ZNF438: variants seen among roughly 807,000 people sequenced by gnomAD.
ZNF438 encodes zinc finger protein 438.
Under a neutral mutation model 38.0 loss-of-function variants are expected in ZNF438, and 25 were observed. The ratio of observed to expected loss-of-function variants is 0.66; its 90% CI spans 0.48 to 0.92. The LOEUF is 0.92. Among genes scored for constraint, ZNF438 ranks in the 40% least tolerant of loss-of-function variants. The probability of loss-of-function intolerance (pLI) is 0.00; values close to 1 mark genes in which losing one functional copy is unlikely to be tolerated. For missense variants in ZNF438, 1,007 were observed against 999.6 expected, an observed-to-expected ratio of 1.01 and a Z score of -0.10; for synonymous variants, 372 against 364.1, an observed-to-expected ratio of 1.02 and a Z score of -0.25.
chr10:30,939,958 A>G (rs571075419), intron 2 of ZNF438, among the ~76,000 whole-genome samples: 16 of 152,314 alleles, frequency 1.1e-4, no homozygotes, highest in African/African-American at 1.4e-4. Context: ...TGCATTCCAA[A>G]CAACAGAACT....
chr10:30,902,910 G>A (rs2042187007), intron 3 of ZNF438, among the ~76,000 whole-genome samples: 1 of 152,238 alleles, frequency 6.6e-6, no homozygotes, highest in South Asian at 2.1e-4. Flanking sequence ...TGGCAGAGCG[G>A]GGAGACTCAG....
chr10:30,947,820 C>T (rs984044164), intron 1 of ZNF438, among the ~76,000 whole-genome samples: 2 of 152,186 alleles, frequency 1.3e-5, no homozygotes, highest in Admixed American at 6.5e-5. Flanking sequence ...TTCTTTGACT[C>T]GGAAAGGGAA....
At chr10:30,939,663 T>G (rs150102533) in intron 2 of ZNF438, among the ~76,000 whole-genome samples, 4 of 152,342 alleles carry the variant, frequency 2.6e-5, no homozygotes, top group Non-Finnish European at 4.4e-5. Flanking sequence ...CTCCTGTAAC[T>G]ACTGAAAACC....
chr10:30,847,830 G>T (rs1011612804), intron 5 of ZNF438, among the ~76,000 whole-genome samples: 2 of 152,220 alleles, frequency 1.3e-5, no homozygotes, highest in Non-Finnish European at 2.9e-5. Flanking sequence ...CCTATGCGCA[G>T]TGGCCAGACC....
intron 1 of ZNF438, among the ~76,000 whole-genome samples, chr10:31,006,777 G>GT (rs1461400671): frequency 8.3e-5 from 9 of 108,202 alleles, no homozygotes; most frequent in South Asian, 4.0e-4. Flanking sequence ...TTGGCGGGGG[G>GT]CGGGGGGGGG....
intron 1 of ZNF438, among the ~76,000 whole-genome samples, chr10:30,982,177 C>A (rs1009729407): frequency 6.6e-6 from 1 of 151,344 alleles, no homozygotes; most frequent in African/African-American, 2.4e-5. Context: ...TCTCGGCTCA[C>A]TGCGAACTCC....
chr10:30,944,564 A>G (rs2047163978), intron 1 of ZNF438, among the ~76,000 whole-genome samples: 1 of 152,196 alleles, frequency 6.6e-6, no homozygotes, highest in African/African-American at 2.4e-5. Flanking sequence ...AGACACATTC[A>G]AGGACTTAAT....
chr10:30,994,401 A>C (rs182955657), intron 1 of ZNF438, among the ~76,000 whole-genome samples: 1 of 152,214 alleles, frequency 6.6e-6, no homozygotes, highest in Admixed American at 6.5e-5. Context: ...TGAATGGATT[A>C]GTAGATTAAT....
chr10:30,877,035 TATG>T, exon 4 of ZNF438: 1 of 1,605,596 alleles, frequency 6.2e-7, no homozygotes, highest in Non-Finnish European at 8.5e-7. Context: ...AATTCTGCAT[TATG>T]ATGTACTGGA....
At chr10:30,984,657 T>C (rs2052575310) in intron 1 of ZNF438, among the ~76,000 whole-genome samples, 1 of 152,106 alleles carries the variant, frequency 6.6e-6, no homozygotes, top group African/African-American at 2.4e-5. Flanking sequence ...TAGAAAATGT[T>C]CCAGAAAAAA....
chr10:30,881,290 A>C (rs1177162593), intron 3 of ZNF438, among the ~76,000 whole-genome samples: 4 of 152,190 alleles, frequency 2.6e-5, no homozygotes, highest in Non-Finnish European at 2.9e-5. Context: ...AAGGTTACAC[A>C]ATACAAAATC....
intron 1 of ZNF438, among the ~76,000 whole-genome samples, chr10:30,952,349 T>G (rs1345077927): frequency 1.3e-5 from 2 of 151,622 alleles, no homozygotes; most frequent in Non-Finnish European, 2.9e-5. Flanking sequence ...GGGCAAGGAC[T>G]TCATGTCTAA....
chr10:30,948,092 CT>C (rs2047667062), intron 1 of ZNF438, among the ~76,000 whole-genome samples: 1 of 152,216 alleles, frequency 6.6e-6, no homozygotes, highest in Non-Finnish European at 1.5e-5. Context: ...TCCCTGACCC[CT>C]GACCCCTGAG....
chr10:30,940,485 A>G (rs959523466), intron 2 of ZNF438, among the ~76,000 whole-genome samples: 1 of 152,206 alleles, frequency 6.6e-6, no homozygotes, highest in African/African-American at 2.4e-5. Flanking sequence ...AGGGGACATC[A>G]CAGGCAGGAA....
chr10:30,885,817 A>G (rs1371693085), intron 3 of ZNF438, among the ~76,000 whole-genome samples: 2 of 152,218 alleles, frequency 1.3e-5, no homozygotes, highest in African/African-American at 4.8e-5. Flanking sequence ...GGACAAAGTA[A>G]TAGGGAAAAG....
At chr10:30,930,282 G>A (rs188144136) in intron 2 of ZNF438, among the ~76,000 whole-genome samples, 136 of 152,234 alleles carry the variant, frequency 8.9e-4, no homozygotes, top group African/African-American at 3.0e-3. Flanking sequence ...GGCAGTGTTG[G>A]GGGACCCGGT....
intron 1 of ZNF438, among the ~76,000 whole-genome samples, chr10:30,990,111 A>G (rs1331006367): frequency 2.0e-5 from 3 of 152,208 alleles, no homozygotes; most frequent in African/African-American, 7.2e-5. Context: ...AAAAGTTCAT[A>G]ATAATATTCT....
At chr10:30,848,791 C>T (rs1475528556) in exon 5 of ZNF438, 1 of 1,614,080 alleles carries the variant, frequency 6.2e-7, no homozygotes, top group African/African-American at 1.3e-5. Flanking sequence ...TGCGACAAAT[C>T]CGACAACTGT....
chr10:30,881,118 G>A (rs537026033), intron 3 of ZNF438, among the ~76,000 whole-genome samples: 2 of 152,202 alleles, frequency 1.3e-5, no homozygotes, highest in African/African-American at 4.8e-5. Flanking sequence ...ATTCAACCCT[G>A]TATTGGAAGT....
Sources: gnomAD v4.1 joint callset for allele counts (sites outside exome capture counted in the v4.1 genomes callset) on GRCh38, gnomAD v4.1.1 for gene constraint, MANE v1.5 for transcripts, NCBI Gene and HGNC (gene_info 2026-07-23, HGNC 2026-07-21) for gene names.